COBL: variants seen among roughly 807,000 people sequenced by gnomAD.
The protein encoded by COBL is protein cordon-bleu.
Under a neutral mutation model 98.8 loss-of-function variants are expected in COBL, and 51 were observed. That is an observed-to-expected ratio of 0.52 (90% confidence interval 0.41 to 0.65). The LOEUF is 0.65. Ranked by LOEUF, COBL falls within the 30% of genes least tolerant of loss-of-function variation. The probability of loss-of-function intolerance (pLI) is 0.00; values close to 1 mark genes in which losing one functional copy is unlikely to be tolerated. For synonymous variants in COBL, 634 were observed against 651.7 expected (o/e 0.97, Z 0.41); for missense variants, 1,617 against 1,617.5 (o/e 1.00, Z 0.01).
chr7:51,116,105 A>C (rs1264648190), intron 6 of COBL, among the ~76,000 whole-genome samples: 1 of 152,002 alleles, frequency 6.6e-6, no homozygotes, highest in Non-Finnish European at 1.5e-5. Flanking sequence ...TTTTATTCAA[A>C]ATAGGTTCTT....
intron 10 of COBL, among the ~76,000 whole-genome samples, chr7:51,027,088 C>A (rs919606908): frequency 6.6e-6 from 1 of 152,126 alleles, no homozygotes; most frequent in Non-Finnish European, 1.5e-5. Context: ...TCTTGCAGAC[C>A]CAGAAGAGAA....
At chr7:51,258,411 G>A (rs1007210179) in intron 1 of COBL, among the ~76,000 whole-genome samples, 22 of 152,330 alleles carry the variant, frequency 1.4e-4, no homozygotes, top group African/African-American at 4.8e-4. Flanking sequence ...CCCTAGGACA[G>A]ATGACACAAC....
rs760510581 is a variant in COBL at position 51,043,541 on chromosome 7, G to A, written c.1248C>T (p.Ile416=). 8 of 1,614,108 alleles carry A rather than the reference G, an allele frequency of 5.0e-6. No homozygotes were observed. The highest frequency in any genetic ancestry group is 1.1e-5 in the South Asian group (1 of 91,084). Residue 416 remains isoleucine (I), a synonymous_variant, in exon 8 of 13, where the codon ATC becomes ATT. Transcript: ENST00000265136. The part of the protein sequence containing the change: ...DSGVMSSPSD[I]VSLDSQQDSM... ...TGTCCTGCTGCGAGTCCAGAGAGAC[G>A]ATGTCTGAGGGGGAACTCATCACTC...
At chr7:51,189,434 G>A (rs1458147681) in intron 4 of COBL, among the ~76,000 whole-genome samples, 1 of 152,166 alleles carries the variant, frequency 6.6e-6, no homozygotes, top group Non-Finnish European at 1.5e-5. Context: ...AGGAGTTCGA[G>A]ACCAGCCTGG....
chr7:51,210,441 C>T (rs1446606867), intron 2 of COBL, among the ~76,000 whole-genome samples: 1 of 152,214 alleles, frequency 6.6e-6, no homozygotes, highest in Admixed American at 6.5e-5. Flanking sequence ...AGGGCTGGAA[C>T]CCGCACCCAG....
rs559266588 is a variant in COBL, at chr7:51,293,426, G to A, written c.41+23167C>T. On this transcript the variant is annotated intron_variant, in intron 1 of 12. Coordinates refer to ENST00000265136, the MANE Select transcript of COBL (RefSeq NM_015198.5). Reference sequence around the variant, plus strand: ...ATACTGTTCATCAATAAAGAGGGATGAACAATAGAGACACCATGAAATCAT... The same window carrying A: ...ATACTGTTCATCAATAAAGAGGGATAAACAATAGAGACACCATGAAATCAT... Among the ~76,000 whole-genome samples, 42 of 152,264 alleles carry A rather than the reference G, an allele frequency of 2.8e-4. No individual in the cohort carries two copies. The South Asian group carries it at 5.0e-3, about 18-fold the overall frequency.
chr7:51,121,231 G>A (rs1797708707), intron 6 of COBL, among the ~76,000 whole-genome samples: 2 of 152,140 alleles, frequency 1.3e-5, no homozygotes, highest in African/African-American at 4.8e-5. Flanking sequence ...GGTATGAGAT[G>A]GTATCTCATT....
intron 1 of COBL, 43 bp downstream of exon 1, chr7:51,316,550 G>A: frequency 1.7e-6 from 2 of 1,208,460 alleles, no homozygotes; most frequent in Non-Finnish European, 2.1e-6. Flanking sequence ...TCCGAGCCCA[G>A]GGAAGCCCCC....
At chr7:51,065,254 GA>G (rs759265995) in intron 7 of COBL, 30 of 703,430 alleles carry the variant, frequency 4.3e-5, no homozygotes, top group Non-Finnish European at 7.3e-5. Flanking sequence ...ACAAATGCTT[GA>G]AAGACCCAAG....
At chr7:51,192,588 A>G (rs1286307009) in intron 3 of COBL, among the ~76,000 whole-genome samples, 1 of 152,212 alleles carries the variant, frequency 6.6e-6, no homozygotes, top group Non-Finnish European at 1.5e-5. Context: ...CCTGGGCAAC[A>G]AGAGTGAAGC....
chr7:51,048,548 T>C (rs1378249314), intron 7 of COBL, among the ~76,000 whole-genome samples: 1 of 152,168 alleles, frequency 6.6e-6, no homozygotes, highest in African/African-American at 2.4e-5. Flanking sequence ...GGCAGAATTT[T>C]AGAGCATGTC....
chr7:51,203,410 C>A (rs1429058425), intron 2 of COBL, among the ~76,000 whole-genome samples: 1 of 102,614 alleles, frequency 9.7e-6, no homozygotes, highest in East Asian at 2.6e-4. Flanking sequence ...TGCAGTGAGC[C>A]GAGATCGCGC....
At chr7:51,211,468 G>A (rs186433622) in intron 2 of COBL, among the ~76,000 whole-genome samples, 2 of 152,308 alleles carry the variant, frequency 1.3e-5, no homozygotes, top group African/African-American at 4.8e-5. Flanking sequence ...AAGGCACCGA[G>A]CACAGTGCCA....
chr7:51,062,338 C>G (rs1791463937), intron 7 of COBL, among the ~76,000 whole-genome samples: 1 of 151,992 alleles, frequency 6.6e-6, no homozygotes, highest in African/African-American at 2.4e-5. Context: ...TCCAAGGAAA[C>G]TTGCTTGAAG....
intron 7 of COBL, among the ~76,000 whole-genome samples, chr7:51,077,955 T>G (rs985528335): frequency 6.6e-6 from 1 of 152,156 alleles, no homozygotes; most frequent in Non-Finnish European, 1.5e-5. Flanking sequence ...CCATCCTCTC[T>G]GTACCTACTC....
At chr7:51,190,060 G>C (rs960943272) in intron 4 of COBL, among the ~76,000 whole-genome samples, 4 of 152,192 alleles carry the variant, frequency 2.6e-5, no homozygotes, top group African/African-American at 9.7e-5. Context: ...GCCTAAGGTG[G>C]CCCTAAAGTT....
chr7:51,028,727 C>A lies in COBL; in HGVS notation c.2369G>T (p.Gly790Val), dbSNP rs1787859115. ...CGTGGGCACAGGGGTGGAGGGGGGT[C>A]CCCTGGCAGAGCTCTCTGAGGGTCG... is the stretch of plus-strand genomic sequence containing the variant. The part of the protein sequence containing the change: ...LGRPSESSAR[G>V]PPSTPVPTQT... The change falls in exon 10 of 13, where the codon GGA becomes GTA. Residue 790 changes from glycine to valine, a missense_variant. This residue lies in a region of COBL where 1,304 missense variants were observed against 1,282.0 expected (regional missense o/e 1.02). Coordinates refer to ENST00000265136, the MANE Select transcript of COBL (RefSeq NM_015198.5). The A allele has an allele frequency of 1.9e-6, 3 of 1,613,910 alleles. No homozygotes were observed. The highest frequency in any genetic ancestry group is 3.3e-5 in the Admixed American group (2 of 60,004).
chr7:51,251,123 G>A (rs1023697538), intron 1 of COBL, among the ~76,000 whole-genome samples: 6 of 151,874 alleles, frequency 4.0e-5, no homozygotes, highest in African/African-American at 2.4e-5. Context: ...GTAACATCTC[G>A]AGCAGCAACT....
chr7:51,184,614 ATT>A (rs961619070), intron 4 of COBL, among the ~76,000 whole-genome samples: 1 of 152,226 alleles, frequency 6.6e-6, no homozygotes, highest in African/African-American at 2.4e-5. Flanking sequence ...CATCTAAAAT[ATT>A]GTCATTCTAT....
Sources: gnomAD v4.1 joint callset for allele counts (sites outside exome capture counted in the v4.1 genomes callset) on GRCh38, gnomAD v4.1.1 for gene constraint, gnomAD v4.1.1 regional missense constraint, MANE v1.5 for transcripts, NCBI Gene and HGNC (gene_info 2026-07-23, HGNC 2026-07-21) for gene names.